FLNB: variants seen among roughly 807,000 people sequenced by gnomAD.
FLNB encodes filamin B.
A neutral mutation model predicts 250.6 loss-of-function variants in FLNB; 111 were observed. That is an observed-to-expected ratio of 0.44 (90% confidence interval 0.38 to 0.52). The LOEUF is 0.52. Among genes scored for constraint, FLNB ranks in the 20% least tolerant of loss-of-function variants. The pLI, the probability that FLNB is intolerant of heterozygous loss-of-function variation, is 0.00. For synonymous variants in FLNB, 1,302 were observed against 1,372.1 expected (o/e 0.95, Z 1.13); for missense variants, 2,869 against 3,447.8 (o/e 0.83, Z 4.20).
intron 24 of FLNB, among the ~76,000 whole-genome samples, chr3:58,130,022 G>A (rs532799072): frequency 6.6e-6 from 1 of 152,220 alleles, no homozygotes; most frequent in African/African-American, 2.4e-5. Flanking sequence ...CCCCCGGGGG[G>A]TCAGCCATGT....
chr3:58,138,584 TG>T, intron 29 of FLNB, 55 bp downstream of exon 29: 1 of 1,608,078 alleles, frequency 6.2e-7, no homozygotes, highest in Non-Finnish European at 8.5e-7. Context: ...CTGTAACAGC[TG>T]CCGTTTGTTG....
intron 12 of FLNB, 104 bp downstream of exon 12, chr3:58,106,977 A>C (rs1041435028): frequency 3.6e-6 from 3 of 839,730 alleles, no homozygotes; most frequent in Admixed American, 3.9e-5. Context: ...GGCAGAGAGG[A>C]ATCATTTGGA....
intron 1 of FLNB, among the ~76,000 whole-genome samples, chr3:58,023,776 C>T (rs1004340103): frequency 3.9e-5 from 6 of 152,230 alleles, no homozygotes; most frequent in Non-Finnish European, 8.8e-5. Context: ...TGGTCAACCA[C>T]GGCATGGAGG....
At chr3:58,050,308 G>C (rs1401168355) in intron 1 of FLNB, among the ~76,000 whole-genome samples, 1 of 152,136 alleles carries the variant, frequency 6.6e-6, no homozygotes, top group Non-Finnish European at 1.5e-5. Context: ...GATTACAGGC[G>C]TGAGCCACCA....
At chr3:58,092,949 C>T (rs1418158812) in intron 4 of FLNB, among the ~76,000 whole-genome samples, 2 of 152,316 alleles carry the variant, frequency 1.3e-5, no homozygotes, top group Non-Finnish European at 2.9e-5. Flanking sequence ...TCAATTCTGA[C>T]ACTATCTACC....
At chr3:58,113,788 C>T (rs2097273072) in intron 18 of FLNB, among the ~76,000 whole-genome samples, 1 of 152,198 alleles carries the variant, frequency 6.6e-6, no homozygotes, top group Non-Finnish European at 1.5e-5. Flanking sequence ...AAGCGATTCT[C>T]CTGCCTCAGC....
intron 35 of FLNB, 94 bp from the exon 36 acceptor site, chr3:58,148,555 G>A: frequency 7.7e-7 from 1 of 1,301,794 alleles, no homozygotes; most frequent in South Asian, 1.2e-5. Context: ...TTGGGTGTCA[G>A]GAAAGAGGAC....
chr3:58,147,888 G>C (rs1479257720), intron 34 of FLNB, among the ~76,000 whole-genome samples: 1 of 152,174 alleles, frequency 6.6e-6, no homozygotes, highest in African/African-American at 2.4e-5. Context: ...TTGAACTCCT[G>C]ACCTCAAGTG....
At chr3:58,061,805 G>T (rs1014403710) in intron 1 of FLNB, among the ~76,000 whole-genome samples, 11 of 150,080 alleles carry the variant, frequency 7.3e-5, no homozygotes, top group Non-Finnish European at 1.2e-4. Flanking sequence ...TTAAATTTTT[G>T]GGGGGGCTGG....
At chr3:58,108,593 G>A (rs376322609) in intron 13 of FLNB, 22 bp downstream of exon 13, 1 of 1,481,766 alleles carries the variant, frequency 6.7e-7, no homozygotes, top group Non-Finnish European at 9.4e-7. Context: ...GGGGCCACCT[G>A]TGCAGGTAAT....
At position 58,170,831 on chromosome 3, in the gene FLNB, T is replaced by C. The variant is rs888942105; in HGVS notation, c.*69T>C. 1.5e-5 allele frequency: 21 copies of C among 1,428,672 alleles called. No individual in the cohort carries two copies. The highest frequency in any genetic ancestry group is 1.9e-5 in the Non-Finnish European group (20 of 1,028,420). 88.5% of individuals were successfully genotyped at this position (1,428,672 alleles called of 1,614,324 possible). A position where few individuals can be genotyped will look rare whatever the true frequency, so the allele number is the denominator to read the frequency against. On this transcript the variant is annotated 3_prime_UTR_variant, in exon 46 of 46. Transcript: ENST00000295956. ...TGTTGCTTGTTTGTAATTCATTTTA[T>C]ACAAAGCCCTCCAGCCTGTTTGTGG...
intron 1 of FLNB, among the ~76,000 whole-genome samples, chr3:58,072,979 G>A (rs923432943): frequency 1.3e-5 from 2 of 152,124 alleles, no homozygotes; most frequent in Non-Finnish European, 2.9e-5. Flanking sequence ...AATCAAATCT[G>A]CAAGTCTGCT....
rs551771569 is a variant in FLNB at position 58,105,179 on chromosome 3, C to G, written c.1710C>G (p.Phe570Leu). Reference protein sequence around the residue: ...HGGIVGRSADFVVESIGSEVG... With the variant: ...HGGIVGRSADLVVESIGSEVG... Reference sequence around the variant, plus strand: ...GGATTGTCGGGCGGTCAGCGGACTTCGTGGTAGAATCCATTGGCTCTGAAG... The same window carrying G: ...GGATTGTCGGGCGGTCAGCGGACTTGGTGGTAGAATCCATTGGCTCTGAAG... The change falls in exon 11 of 46, where the codon TTC (phenylalanine) becomes TTG (leucine). Residue 570 changes from phenylalanine to leucine, a missense_variant. This residue lies in a region of FLNB where 1,348 missense variants were observed against 1,466.7 expected (regional missense o/e 0.92). Transcript: ENST00000295956. The G allele has an allele frequency of 1.2e-6, 2 of 1,614,090 alleles. No homozygotes were observed. The highest frequency in any genetic ancestry group is 4.5e-5 in the East Asian group (2 of 44,894).
At chr3:58,008,966 A>C in intron 1 of FLNB, 110 bp downstream of exon 1, 1 of 1,350,358 alleles carries the variant, frequency 7.4e-7, no homozygotes, top group Non-Finnish European at 1.1e-6. Flanking sequence ...CCTCGGAGAT[A>C]AGGGGGAGTC....
At chr3:58,069,983 A>G (rs1157349057) in intron 1 of FLNB, among the ~76,000 whole-genome samples, 2 of 149,806 alleles carry the variant, frequency 1.3e-5, no homozygotes, top group East Asian at 4.0e-4. Context: ...ATGAGGATGG[A>G]GGGGAGGGAG....
chr3:58,071,433 C>T (rs1004228452), intron 1 of FLNB, among the ~76,000 whole-genome samples: 5 of 151,996 alleles, frequency 3.3e-5, no homozygotes, highest in African/African-American at 9.7e-5. Flanking sequence ...CACACACCAC[C>T]ATGCCCAGCT....
chr3:58,063,409 G>A lies in FLNB; in HGVS notation c.293-13637G>A, dbSNP rs992387054. ...GATTGGGTGGGACGTGTGTTTGGAG[G>A]CCTCCTCACATAATTGTGGGCTGAA... is the stretch of plus-strand genomic sequence containing the variant. On this transcript the variant is annotated intron_variant, in intron 1 of 45. Coordinates refer to ENST00000295956, the MANE Select transcript of FLNB (RefSeq NM_001457.4). Among the ~76,000 whole-genome samples, 4 of 152,294 alleles carry A rather than the reference G, an allele frequency of 2.6e-5. No individual in the cohort carries two copies. The East Asian group carries it at 7.7e-4, about 29-fold the overall frequency.
Position 58,145,829 on chromosome 3 carries a change from G to A in FLNB, c.5426-92G>A, listed in dbSNP as rs568434104. The A allele has an allele frequency of 1.2e-5, 18 of 1,538,230 alleles. 1 individual carries two copies. In the South Asian group the frequency reaches 1.9e-4, roughly 16 times the overall value. On this transcript the variant is annotated intron_variant, in intron 32 of 45. Coordinates refer to ENST00000295956, the MANE Select transcript of FLNB (RefSeq NM_001457.4). ...CCTCTGCTTAGGAGGCGCCAGACCTGTAGAGAGGTGGACGTCAAGATGCCA... is the reference window on the plus strand; with the variant it reads ...CCTCTGCTTAGGAGGCGCCAGACCTATAGAGAGGTGGACGTCAAGATGCCA...
chr3:58,111,920 C>T, intron 17 of FLNB, 39 bp downstream of exon 17: 2 of 1,521,386 alleles, frequency 1.3e-6, no homozygotes, highest in Non-Finnish European at 1.8e-6. Context: ...GCCCCTCTGC[C>T]AGCCGGTGGC....
Sources: gnomAD v4.1 joint callset for allele counts (sites outside exome capture counted in the v4.1 genomes callset) on GRCh38, gnomAD v4.1.1 for gene constraint, gnomAD v4.1.1 regional missense constraint, MANE v1.5 for transcripts, NCBI Gene and HGNC (gene_info 2026-07-23, HGNC 2026-07-21) for gene names.